Variants in ARHGEF3 observed in about 807,000 individuals in gnomAD.
ARHGEF3 encodes Rho guanine nucleotide exchange factor 3.
A neutral mutation model predicts 63.2 loss-of-function variants in ARHGEF3; 28 were observed. That is an observed-to-expected ratio of 0.44 (90% CI 0.33 to 0.61). The LOEUF (loss-of-function observed/expected upper bound fraction) is 0.61, where lower values mean the gene tolerates loss of function less well. Among genes scored for constraint, ARHGEF3 ranks in the 20% least tolerant of loss-of-function variants. The pLI is 0.03. For synonymous variants in ARHGEF3, 266 were observed against 254.2 expected (o/e 1.05, Z -0.44); for missense variants, 533 against 659.3 (o/e 0.81, Z 2.10).
intron 7 of ARHGEF3, among the ~76,000 whole-genome samples, chr3:56,744,891 C>T (rs977554800): frequency 1.3e-5 from 2 of 152,160 alleles, no homozygotes; most frequent in African/African-American, 4.8e-5. Context: ...TTAAAATATA[C>T]ACAAAGATCT....
At chr3:57,076,180 C>T (rs1204920944) in intron 1 of ARHGEF3, among the ~76,000 whole-genome samples, 2 of 151,934 alleles carry the variant, frequency 1.3e-5, no homozygotes, top group African/African-American at 4.8e-5. Flanking sequence ...AGAGACAGCC[C>T]CTACCCACCC....
At chr3:56,832,609 G>A (rs2038967347) in intron 4 of ARHGEF3, among the ~76,000 whole-genome samples, 1 of 152,048 alleles carries the variant, frequency 6.6e-6, no homozygotes, top group Admixed American at 6.6e-5. Context: ...ATTTTCTATT[G>A]AGATAAAATT....
chr3:56,924,032 AC>A (rs1175289171), intron 3 of ARHGEF3, among the ~76,000 whole-genome samples: 2 of 152,160 alleles, frequency 1.3e-5, no homozygotes, highest in East Asian at 3.9e-4. Flanking sequence ...CTTCCTGGAG[AC>A]CGTATAAGAT....
In ARHGEF3 at chr3:56,732,379, C is replaced by T; in HGVS notation, c.1087G>A (p.Ala363Thr). ...CAAAGCTGCTCATTGTGGGTGACGG[C>T]TCGAGTGATCACAAGCACTTCTTGG... The part of the protein sequence containing the change: ...LFQEVLVITR[A>T]VTHNEQLCYQ... Residue 363 changes from alanine to threonine, a missense_variant, in exon 9 of 10, where the codon GCC becomes ACC. Ala to Thr is a moderately conservative substitution (Grantham distance 58). This residue lies in a region of ARHGEF3 where 151 missense variants were observed against 190.7 expected (regional missense o/e 0.79). Coordinates refer to ENST00000296315, the MANE Select transcript of ARHGEF3 (RefSeq NM_019555.3). 1 of 1,614,142 alleles carries T rather than the reference C, an allele frequency of 6.2e-7. No individual in the cohort carries two copies. The highest frequency in any genetic ancestry group is 1.1e-5 in the South Asian group (1 of 91,082).
chr3:56,846,834 C>T (rs754134356), intron 4 of ARHGEF3, among the ~76,000 whole-genome samples: 19 of 152,164 alleles, frequency 1.2e-4, no homozygotes, highest in Non-Finnish European at 2.4e-4. Flanking sequence ...GAATCACCCA[C>T]AAGGATAGAC....
chr3:57,075,370 C>T (rs1325684992), intron 1 of ARHGEF3: 1 of 167,130 alleles, frequency 6.0e-6, no homozygotes. Flanking sequence ...AGTACCAGGG[C>T]AATGCCTCGC....
At chr3:57,027,328 G>A (rs1227401026) in intron 2 of ARHGEF3, among the ~76,000 whole-genome samples, 1 of 152,184 alleles carries the variant, frequency 6.6e-6, no homozygotes, top group Non-Finnish European at 1.5e-5. Flanking sequence ...CTATGAGAAG[G>A]TGACTGCCTG....
intron 3 of ARHGEF3, among the ~76,000 whole-genome samples, chr3:56,908,250 G>A (rs1430600052): frequency 6.6e-6 from 1 of 152,216 alleles, no homozygotes; most frequent in East Asian, 1.9e-4. Flanking sequence ...ATGCACCAGA[G>A]AACAAAGTGC....
chr3:56,866,897 CAACT>C (rs1204355189), intron 4 of ARHGEF3, among the ~76,000 whole-genome samples: 1 of 152,284 alleles, frequency 6.6e-6, no homozygotes, highest in African/African-American at 2.4e-5. Context: ...CTTTCCATAC[CAACT>C]GAGTTAAGTG....
In ARHGEF3 at chr3:56,814,921, G is replaced by C. The variant is rs1015985259; in HGVS notation, c.193-41105C>G. The stretch of plus-strand genomic sequence containing the variant: ...AGGTGGGAGGATCACTAGAGCCCAG[G>C]AGTCTGAGACTAGCCTGGGCCACAA... On this transcript the variant is annotated intron_variant, in intron 4 of 12. Coordinates refer to the ARHGEF3 transcript ENST00000338458. Among the ~76,000 whole-genome samples, 5 of 152,062 alleles carry C rather than the reference G, an allele frequency of 3.3e-5. No homozygotes were observed. In the East Asian group the frequency reaches 9.6e-4, roughly 29 times the overall value.
intron 3 of ARHGEF3, among the ~76,000 whole-genome samples, chr3:56,886,463 G>T (rs1422625442): frequency 1.3e-5 from 2 of 152,198 alleles, no homozygotes; most frequent in East Asian, 3.8e-4. Flanking sequence ...CTCTACCCAG[G>T]AACTGGGATT....
intron 1 of ARHGEF3, among the ~76,000 whole-genome samples, chr3:57,072,893 A>T (rs1221954837): frequency 1.3e-5 from 2 of 151,972 alleles, no homozygotes; most frequent in African/African-American, 4.8e-5. Context: ...AAAAAATACA[A>T]AAATTAGCAA....
intron 2 of ARHGEF3, among the ~76,000 whole-genome samples, chr3:56,758,993 C>G (rs2035261851): frequency 6.6e-6 from 1 of 152,112 alleles, no homozygotes; most frequent in African/African-American, 2.4e-5. Flanking sequence ...TTAAACTCCC[C>G]CTACCAGTTT....
intron 3 of ARHGEF3, among the ~76,000 whole-genome samples, chr3:56,887,730 T>C (rs2040971889): frequency 6.6e-6 from 1 of 152,226 alleles, no homozygotes; most frequent in African/African-American, 2.4e-5. Flanking sequence ...TCAAATTTAC[T>C]GAAGCAAAGG....
chr3:56,896,061 G>C (rs545638613), intron 3 of ARHGEF3, among the ~76,000 whole-genome samples: 46 of 152,200 alleles, frequency 3.0e-4, no homozygotes, highest in Non-Finnish European at 5.9e-4. Flanking sequence ...TGTGTGGTGA[G>C]AGTATATTAG....
upstream of ARHGEF3, among the ~76,000 whole-genome samples, chr3:56,803,133 G>C (rs778250301): frequency 5.3e-5 from 8 of 152,242 alleles, no homozygotes; most frequent in Non-Finnish European, 1.0e-4. Flanking sequence ...GCTTTTACCA[G>C]TTCCCCTGTG....
intron 2 of ARHGEF3, among the ~76,000 whole-genome samples, chr3:56,764,819 C>T (rs996568614): frequency 4.0e-5 from 6 of 150,028 alleles, no homozygotes; most frequent in East Asian, 3.9e-4. Context: ...TGAAGTGGCA[C>T]GATCTCAGCT....
At chr3:57,020,025 A>G (rs1370693474) in intron 2 of ARHGEF3, among the ~76,000 whole-genome samples, 1 of 152,152 alleles carries the variant, frequency 6.6e-6, no homozygotes, top group Non-Finnish European at 1.5e-5. Context: ...CAGCCTCCCA[A>G]GTAGCTGGGA....
At chr3:56,765,673 C>T (rs916552673) in intron 2 of ARHGEF3, among the ~76,000 whole-genome samples, 1 of 152,132 alleles carries the variant, frequency 6.6e-6, no homozygotes, top group African/African-American at 2.4e-5. Flanking sequence ...TCCTTATCAT[C>T]TGTGAGCCAT....
Sources: gnomAD v4.1 joint callset for allele counts (sites outside exome capture counted in the v4.1 genomes callset) on GRCh38, gnomAD v4.1.1 for gene constraint, gnomAD v4.1.1 regional missense constraint, MANE v1.5 for transcripts, NCBI Gene and HGNC (gene_info 2026-07-23, HGNC 2026-07-21) for gene names.